Variants in FBXW10B observed in about 807,000 individuals in gnomAD.
FBXW10B encodes F-box and WD repeat domain containing 10B.
chr17:15,584,590 G>T, the FBXW10B span, among the ~76,000 whole-genome samples: 3 of 152,322 alleles, frequency 2.0e-5, no homozygotes, highest in East Asian at 5.8e-4. Flanking sequence ...GAGTACCTTT[G>T]CCCATAACAC....
chr17:15,593,273 A>G, the FBXW10B span: 10 of 1,607,808 alleles, frequency 6.2e-6, no homozygotes, highest in South Asian at 1.1e-4. Flanking sequence ...ATCCCAGGGG[A>G]GGAAAAAAAT....
the FBXW10B span, chr17:15,615,880 A>G: frequency 1.2e-6 from 2 of 1,602,316 alleles, no homozygotes. Context: ...GTGGAGAGAA[A>G]CTTTTTCATT....
At chr17:15,575,572 C>T in the FBXW10B span, among the ~76,000 whole-genome samples, 1 of 147,036 alleles carries the variant, frequency 6.8e-6, no homozygotes, top group Non-Finnish European at 1.5e-5. Flanking sequence ...TGTACTTTCA[C>T]TGCATTTTTC....
chr17:15,572,735 T>C, the FBXW10B span: 1 of 151,432 alleles, frequency 6.6e-6, no homozygotes, highest in Non-Finnish European at 1.5e-5. Flanking sequence ...TGGGGGAACG[T>C]ACGGTGGCCA....
At chr17:15,566,387 T>C in the FBXW10B span, 1 of 1,373,264 alleles carries the variant, frequency 7.3e-7, no homozygotes, top group African/African-American at 2.2e-5. Flanking sequence ...TTTTAAAAAA[T>C]CGGCGTTCTA....
chr17:15,567,939 AAC>A, the FBXW10B span, among the ~76,000 whole-genome samples: 4,672 of 152,242 alleles, frequency 0.031, 233 homozygotes, highest in African/African-American at 0.11. Context: ...AGTAAGCAAA[AAC>A]ACACGCTGAA....
chr17:15,571,092 T>A, the FBXW10B span, among the ~76,000 whole-genome samples: 1 of 152,216 alleles, frequency 6.6e-6, no homozygotes, highest in South Asian at 2.1e-4. Context: ...ACGCCTGTAA[T>A]CCTAGCCCTT....
chr17:15,583,129 A>T, the FBXW10B span, among the ~76,000 whole-genome samples: 11 of 147,158 alleles, frequency 7.5e-5, no homozygotes, highest in African/African-American at 2.8e-4. Context: ...CTGAGTCTGC[A>T]TTTGCCCAGA....
At chr17:15,593,183 C>G in the FBXW10B span, 1 of 546,398 alleles carries the variant, frequency 1.8e-6, no homozygotes, top group Admixed American at 6.4e-5. Context: ...GTCCCCACCA[C>G]AAGACTATTG....
At chr17:15,610,284 C>T in the FBXW10B span, among the ~76,000 whole-genome samples, 4 of 152,236 alleles carry the variant, frequency 2.6e-5, no homozygotes, top group East Asian at 5.8e-4. Context: ...CATCAGAAGC[C>T]GCACTCTCTT....
At chr17:15,583,907 T>A in the FBXW10B span, among the ~76,000 whole-genome samples, 3 of 152,214 alleles carry the variant, frequency 2.0e-5, no homozygotes, top group Admixed American at 6.5e-5. Flanking sequence ...ATTGGCAAAT[T>A]TTATTTTTTG....
chr17:15,596,591 T>C, the FBXW10B span: 7 of 1,612,076 alleles, frequency 4.3e-6, no homozygotes, highest in Admixed American at 1.2e-4. Context: ...TAGGTATCAT[T>C]GATCCTGGTG....
chr17:15,614,940 T>C, the FBXW10B span, among the ~76,000 whole-genome samples: 1 of 152,102 alleles, frequency 6.6e-6, no homozygotes, highest in Non-Finnish European at 1.5e-5. Context: ...AAATAGCCAT[T>C]GGTGGGTTTA....
the FBXW10B span, chr17:15,593,447 A>G: frequency 6.2e-7 from 1 of 1,614,028 alleles, no homozygotes; most frequent in African/African-American, 1.3e-5. Flanking sequence ...TGCCATCTGC[A>G]CAGGCGCTGA....
chr17:15,582,157 T>C, the FBXW10B span, among the ~76,000 whole-genome samples: 1 of 147,738 alleles, frequency 6.8e-6, no homozygotes, highest in Non-Finnish European at 1.5e-5. Context: ...GAAGAGCCGA[T>C]GGTTTTTGTT....
the FBXW10B span, chr17:15,613,463 A>T: frequency 2.5e-6 from 1 of 407,550 alleles, no homozygotes; most frequent in Non-Finnish European, 3.1e-6. Context: ...AGGAGTTTGG[A>T]CCAAAAAGAA....
the FBXW10B span, among the ~76,000 whole-genome samples, chr17:15,604,635 C>A: frequency 2.0e-3 from 308 of 152,196 alleles, no homozygotes; most frequent in African/African-American, 7.0e-3. Flanking sequence ...CCCGGGTTCA[C>A]ACCATTCTCC....
At chr17:15,616,717 G>A in the FBXW10B span, among the ~76,000 whole-genome samples, 2 of 150,806 alleles carry the variant, frequency 1.3e-5, no homozygotes, top group South Asian at 4.2e-4. Flanking sequence ...GCTGAGGCAG[G>A]AGAATGGCGT....
At chr17:15,583,424 C>T in the FBXW10B span, among the ~76,000 whole-genome samples, 2 of 147,856 alleles carry the variant, frequency 1.4e-5, no homozygotes, top group Admixed American at 1.4e-4. Flanking sequence ...CCTGCTGTGC[C>T]ACACATGCTT....
Sources: gnomAD v4.1 joint callset for allele counts (sites outside exome capture counted in the v4.1 genomes callset) on GRCh38, gnomAD v4.1.1 for gene constraint, MANE v1.5 for transcripts, NCBI Gene and HGNC (gene_info 2026-07-23, HGNC 2026-07-21) for gene names.